ITGB5: variants seen among roughly 807,000 people sequenced by gnomAD.
ITGB5 encodes integrin beta-5.
Under a neutral mutation model 84.8 loss-of-function variants are expected in ITGB5, and 38 were observed. The ratio of observed to expected loss-of-function variants is 0.45; its 90% CI spans 0.35 to 0.59. The LOEUF (loss-of-function observed/expected upper bound fraction) is 0.59. Among genes scored for constraint, ITGB5 ranks in the 20% least tolerant of loss-of-function variants. ITGB5 has a pLI of 0.01. For missense variants in ITGB5, 905 were observed against 1,034.5 expected (o/e 0.87, Z 1.72); for synonymous variants, 393 against 414.4 (o/e 0.95, Z 0.63).
intron 9 of ITGB5, among the ~76,000 whole-genome samples, chr3:124,802,461 G>A (rs796781995): frequency 2.0e-5 from 3 of 152,308 alleles, no homozygotes; most frequent in African/African-American, 7.2e-5. Context: ...CACCCCTTCT[G>A]TCTTGGGGAT....
intron 5 of ITGB5, among the ~76,000 whole-genome samples, chr3:124,840,804 C>T (rs2065000886): frequency 6.6e-6 from 1 of 152,154 alleles, no homozygotes; most frequent in East Asian, 1.9e-4. Context: ...GCTGGGATTA[C>T]AGGCACCCGT....
In ITGB5 at chr3:124,763,642, T is replaced by C. The variant is rs770165801; in HGVS notation, c.2381A>G (p.Tyr794Cys). ...DFTFNKFNKSYNGTVD is the reference protein window; with the variant it reads ...DFTFNKFNKSCNGTVD ...GAAACATCAGTCCACAGTGCCATTGTAGGATTTGTTGAACTTGTTGAAGGT... is the reference window on the plus strand; with the variant it reads ...GAAACATCAGTCCACAGTGCCATTGCAGGATTTGTTGAACTTGTTGAAGGT... Residue 794 changes from tyrosine to cysteine, a missense_variant, in exon 15 of 15, where the codon TAC becomes TGC. By Grantham distance (194) the Tyr-to-Cys change is radical (BLOSUM62 -2). Around this residue, in one of 3 missense-constraint regions of ITGB5, gnomAD observed 133 missense variants for 122.8 expected, o/e 1.08. Transcript: ENST00000296181. The C allele has an allele frequency of 5.6e-6, 9 of 1,598,298 alleles. No homozygotes were observed. The highest frequency in any genetic ancestry group is 2.2e-5 in the South Asian group (2 of 90,470).
chr3:124,848,190 C>T, intron 4 of ITGB5, 119 bp downstream of exon 4: 1 of 1,166,846 alleles, frequency 8.6e-7, no homozygotes, highest in Non-Finnish European at 1.2e-6. Context: ...AAATTAAACG[C>T]CTAAGCCTGG....
upstream of ITGB5, among the ~76,000 whole-genome samples, chr3:124,889,909 G>C (rs1052957923): frequency 4.6e-5 from 7 of 152,114 alleles, no homozygotes; most frequent in Non-Finnish European, 8.8e-5. Context: ...CTACTCTGGA[G>C]GCTGAGGCCT....
chr3:124,885,341 G>C (rs1934756994), intron 1 of ITGB5, among the ~76,000 whole-genome samples: 1 of 152,026 alleles, frequency 6.6e-6, no homozygotes, highest in Non-Finnish European at 1.5e-5. Context: ...AGAATGTCAA[G>C]CTGGAAAGGA....
intron 10 of ITGB5, among the ~76,000 whole-genome samples, chr3:124,788,287 A>T (rs2064111169): frequency 6.6e-6 from 1 of 152,098 alleles, no homozygotes. Context: ...GGTTCCTCAC[A>T]ACTCCCTTCT....
intron 1 of ITGB5, among the ~76,000 whole-genome samples, chr3:124,898,504 C>A (rs562374294): frequency 2.0e-5 from 3 of 151,062 alleles, no homozygotes; most frequent in African/African-American, 7.3e-5. Context: ...AATAGCCAGG[C>A]GTGGTGGCAG....
At chr3:124,853,992 T>C (rs2065191059) in intron 3 of ITGB5, among the ~76,000 whole-genome samples, 2 of 152,254 alleles carry the variant, frequency 1.3e-5, no homozygotes, top group Non-Finnish European at 2.9e-5. Context: ...CTTTAGCTTT[T>C]GACGGTTCTC....
rs2063723227 is a variant in ITGB5 at position 124,763,583 on chromosome 3, T to C, written c.*40A>G. On this transcript the variant is annotated 3_prime_UTR_variant, in exon 15 of 15. Transcript: ENST00000296181. Reference sequence around the variant, plus strand: ...GTGCAAGGCGTTTCAGTCTGACCTTTTCATCAGATCCCCGCTCCAGCCCCT... The same window carrying C: ...GTGCAAGGCGTTTCAGTCTGACCTTCTCATCAGATCCCCGCTCCAGCCCCT... 2.3e-6 allele frequency: 3 copies of C among 1,291,392 alleles called. No individual in the cohort carries two copies. The highest frequency in any genetic ancestry group is 2.4e-5 in the South Asian group (2 of 83,408). The allele number at this position is 1,291,392 out of a possible 1,614,324, so 80.0% of individuals were successfully genotyped here.
chr3:124,835,680 G>A (rs1489625207), intron 5 of ITGB5, among the ~76,000 whole-genome samples: 1 of 152,216 alleles, frequency 6.6e-6, no homozygotes, highest in Non-Finnish European at 1.5e-5. Flanking sequence ...GGAGTGGGGG[G>A]ATGCCTTCCT....
At chr3:124,855,676 G>C (rs1156943847) in intron 3 of ITGB5, among the ~76,000 whole-genome samples, 2 of 152,104 alleles carry the variant, frequency 1.3e-5, no homozygotes, top group Non-Finnish European at 2.9e-5. Context: ...TCAGGAGGCA[G>C]TCAGCTCCTC....
At position 124,821,321 on chromosome 3, in the gene ITGB5, T is replaced by A. The variant is rs1031025102; in HGVS notation, c.934A>T (p.Asn312Tyr). 1.9e-6 allele frequency: 3 copies of A among 1,613,166 alleles called. No homozygotes were observed. The highest frequency in any genetic ancestry group is 1.6e-4 in the Middle Eastern group (1 of 6,062). The change falls in exon 6 of 15, where the codon AAC (asparagine) becomes TAC (tyrosine). Residue 312 changes from asparagine to tyrosine, a missense_variant. Physicochemically the swap from Asn to Tyr is moderately radical, Grantham distance 143 (BLOSUM62 -2). Coordinates refer to ENST00000296181, the MANE Select transcript of ITGB5 (RefSeq NM_002213.5). ...LNEANEYTAS[N>Y]QMDYPSLALL... The stretch of plus-strand genomic sequence containing the variant: ...TGGTTCCCGGCACTCACCATCTGGT[T>A]GGATGCAGTGTACTCGTTGGCCTCG...
At chr3:124,878,464 G>A (rs78869821) in intron 1 of ITGB5, 82 of 152,304 alleles carry the variant, frequency 5.4e-4, no homozygotes, top group African/African-American at 1.9e-3. Context: ...AAGTAAAGTC[G>A]TTTGTACTCA....
intron 5 of ITGB5, among the ~76,000 whole-genome samples, chr3:124,822,945 G>A (rs968093340): frequency 1.3e-5 from 2 of 151,710 alleles, no homozygotes; most frequent in Admixed American, 1.3e-4. Context: ...AAACTGAGCT[G>A]GAAAAAATGA....
intron 9 of ITGB5, among the ~76,000 whole-genome samples, chr3:124,805,643 G>A (rs1225492381): frequency 1.3e-5 from 2 of 151,970 alleles, no homozygotes; most frequent in Non-Finnish European, 2.9e-5. Context: ...TAGAGATGGG[G>A]GTCTCATTTC....
chr3:124,838,425 C>A (rs916188680), intron 5 of ITGB5, among the ~76,000 whole-genome samples: 2 of 152,090 alleles, frequency 1.3e-5, no homozygotes, highest in African/African-American at 4.8e-5. Context: ...TGTTTTATAA[C>A]CTGCTTCCCA....
chr3:124,803,475 T>A (rs375427867), intron 9 of ITGB5, among the ~76,000 whole-genome samples: 1 of 152,340 alleles, frequency 6.6e-6, no homozygotes, highest in Admixed American at 6.5e-5. Flanking sequence ...AGGGGCACGT[T>A]GGACACGGCA....
At chr3:124,812,160 A>C (rs910704129) in intron 8 of ITGB5, among the ~76,000 whole-genome samples, 3 of 152,174 alleles carry the variant, frequency 2.0e-5, no homozygotes, top group African/African-American at 7.2e-5. Context: ...GGCTGTTGGT[A>C]TATATCTGTT....
intron 1 of ITGB5, among the ~76,000 whole-genome samples, chr3:124,894,134 C>CTTTTTTTTTT (rs748784158): frequency 0.27 from 28,266 of 103,204 alleles, 7,484 homozygotes; most frequent in East Asian, 0.49. Context: ...TGATATTTTT[C>CTTTTTTTTTT]TTTTTTTTTT....
Sources: allele counts gnomAD v4.1 joint callset (sites outside exome capture counted in the v4.1 genomes callset), GRCh38; gene constraint gnomAD v4.1.1; regional missense constraint gnomAD v4.1.1; transcripts MANE v1.5; gene names NCBI Gene and HGNC (gene_info 2026-07-23, HGNC 2026-07-21).